The following PRKCE variants were observed in gnomAD, a reference collection of about 807,000 sequenced individuals.
PRKCE encodes the protein protein kinase C epsilon.
A neutral mutation model predicts 85.4 loss-of-function variants in PRKCE; 16 were observed. That is an observed-to-expected ratio of 0.19 (90% CI 0.13 to 0.28). The LOEUF is 0.28. Ranked by LOEUF, PRKCE falls within the 10% of genes least tolerant of loss-of-function variation. The pLI is 1.00. For missense variants in PRKCE, 573 were observed against 975.2 expected (o/e 0.59, Z 5.49); for synonymous variants, 388 against 371.5 (o/e 1.04, Z -0.51).
intron 1 of PRKCE, among the ~76,000 whole-genome samples, chr2:45,739,294 A>G (rs1255087606): frequency 6.6e-6 from 1 of 152,210 alleles, no homozygotes; most frequent in African/African-American, 2.4e-5. Flanking sequence ...GCCTTGGAAA[A>G]GCTAAGTGAC....
intron 1 of PRKCE, among the ~76,000 whole-genome samples, chr2:45,662,843 A>T (rs1675735533): frequency 6.7e-6 from 1 of 148,988 alleles, no homozygotes; most frequent in South Asian, 2.2e-4. Context: ...TCATTAAGCC[A>T]CTCAAAGAGT....
intron 2 of PRKCE, among the ~76,000 whole-genome samples, chr2:45,892,043 G>A (rs924151124): frequency 2.6e-5 from 4 of 152,248 alleles, no homozygotes; most frequent in Non-Finnish European, 4.4e-5. Context: ...GCTCTCCACA[G>A]TTGACACCTG....
rs181079842 is a variant in PRKCE at position 46,031,594 on chromosome 2, G to A, written c.1437+21077G>A. On this transcript the variant is annotated intron_variant, in intron 10 of 14. Transcript: ENST00000306156. Reference sequence around the variant, plus strand: ...TTCTACCCCTTTACATTCTGCTCGTGTGTGTGTGTGTGTGTGTGTGTGTGT... The same window carrying A: ...TTCTACCCCTTTACATTCTGCTCGTATGTGTGTGTGTGTGTGTGTGTGTGT... Among the ~76,000 whole-genome samples, 172 of 22,428 alleles carry A rather than the reference G, an allele frequency of 7.7e-3. 1 individual carries two copies. The highest frequency in any genetic ancestry group is 0.066 in the South Asian group (43 of 650). 14.7% of individuals were successfully genotyped at this position (22,428 alleles called of 152,430 possible).
intron 1 of PRKCE, among the ~76,000 whole-genome samples, chr2:45,744,438 TTTCTTTCTTTC>T (rs1682882517): frequency 4.3e-5 from 2 of 46,474 alleles, no homozygotes; most frequent in African/African-American, 2.2e-4. Flanking sequence ...TCTTTCTTTC[TTTCTTTCTTTC>T]TTTCTTTCTT....
intron 10 of PRKCE, among the ~76,000 whole-genome samples, chr2:46,080,526 G>A (rs1668973211): frequency 6.6e-6 from 1 of 152,194 alleles, no homozygotes; most frequent in Admixed American, 6.5e-5. Flanking sequence ...TCCATGGTGG[G>A]TGTTCAAGAA....
At chr2:46,072,334 G>A (rs749490348) in intron 10 of PRKCE, among the ~76,000 whole-genome samples, 10 of 152,242 alleles carry the variant, frequency 6.6e-5, no homozygotes, top group South Asian at 2.1e-4. Context: ...AGTTTCCCCC[G>A]GATTAGCACA....
intron 10 of PRKCE, among the ~76,000 whole-genome samples, chr2:46,021,800 G>A (rs779925813): frequency 1.1e-4 from 17 of 152,166 alleles, no homozygotes; most frequent in East Asian, 1.9e-4. Context: ...TCTCCCCAAC[G>A]CCCGCCATCT....
At chr2:46,163,629 C>T (rs1235101193) in intron 14 of PRKCE, among the ~76,000 whole-genome samples, 2 of 128,614 alleles carry the variant, frequency 1.6e-5, no homozygotes, top group Non-Finnish European at 3.2e-5. Flanking sequence ...TTCATCCCCA[C>T]AGAGGCCACT....
intron 10 of PRKCE, among the ~76,000 whole-genome samples, chr2:46,049,370 C>T (rs1241560701): frequency 6.6e-6 from 1 of 152,218 alleles, no homozygotes; most frequent in East Asian, 1.9e-4. Context: ...GCCCAGCTCT[C>T]TCTCATGCCC....
intron 1 of PRKCE, among the ~76,000 whole-genome samples, chr2:45,709,272 G>A (rs1267215989): frequency 6.6e-6 from 1 of 152,228 alleles, no homozygotes; most frequent in Non-Finnish European, 1.5e-5. Context: ...AGGCCAAGGT[G>A]GCAGCTGCTC....
At chr2:45,792,681 A>G (rs1196821992) in intron 1 of PRKCE, among the ~76,000 whole-genome samples, 2 of 152,158 alleles carry the variant, frequency 1.3e-5, no homozygotes, top group African/African-American at 4.8e-5. Context: ...GCCTTGAAAG[A>G]TGGGGTTAAG....
intron 10 of PRKCE, among the ~76,000 whole-genome samples, chr2:46,083,679 G>T (rs1426067557): frequency 6.6e-6 from 1 of 152,178 alleles, no homozygotes; most frequent in African/African-American, 2.4e-5. Flanking sequence ...GCATTGCCCG[G>T]AAACTTGTTA....
At chr2:45,783,726 G>A (rs1313762068) in intron 1 of PRKCE, among the ~76,000 whole-genome samples, 4 of 152,202 alleles carry the variant, frequency 2.6e-5, no homozygotes, top group Non-Finnish European at 4.4e-5. Flanking sequence ...CCTGTTCTCT[G>A]GTCACAGGAT....
intron 2 of PRKCE, among the ~76,000 whole-genome samples, chr2:45,853,918 A>G (rs1692472693): frequency 6.6e-6 from 1 of 152,112 alleles, no homozygotes; most frequent in Non-Finnish European, 1.5e-5. Context: ...CTCCCTGTTT[A>G]TTTAGCTACT....
chr2:46,163,944 A>G (rs1678058471), intron 14 of PRKCE, among the ~76,000 whole-genome samples: 1 of 151,866 alleles, frequency 6.6e-6, no homozygotes, highest in East Asian at 1.9e-4. Context: ...GGCGCACCCC[A>G]CAGAGGCCAC....
intron 10 of PRKCE, among the ~76,000 whole-genome samples, chr2:46,084,591 G>A (rs1343228470): frequency 1.3e-5 from 2 of 152,038 alleles, no homozygotes; most frequent in East Asian, 3.9e-4. Flanking sequence ...GCATGGTGGT[G>A]TGTGTCTGTA....
intron 1 of PRKCE, among the ~76,000 whole-genome samples, chr2:45,787,037 T>C (rs972930553): frequency 6.6e-6 from 1 of 152,212 alleles, no homozygotes; most frequent in African/African-American, 2.4e-5. Context: ...GGTTTGGGAA[T>C]CTGCACATTG....
At chr2:45,756,024 G>A (rs1471974024) in intron 1 of PRKCE, among the ~76,000 whole-genome samples, 2 of 152,180 alleles carry the variant, frequency 1.3e-5, no homozygotes, top group African/African-American at 2.4e-5. Context: ...CAGCTAATTC[G>A]CTGGGAACCA....
At position 45,734,701 on chromosome 2, in the gene PRKCE, GC is replaced by G. The variant is rs796489176; in HGVS notation, c.348+82254del. ...TGAGTGTAGGGGTGGATTTTTTGAT[GC>G]GCAGATCCCCCCTGCAGGCCTGAAG... On this transcript the variant is annotated intron_variant, in intron 1 of 14. Coordinates refer to ENST00000306156, the MANE Select transcript of PRKCE (RefSeq NM_005400.3). Among the ~76,000 whole-genome samples, 7 of 152,204 alleles carry G rather than the reference GC, an allele frequency of 4.6e-5. No homozygotes were observed. In the South Asian group the frequency reaches 1.5e-3, roughly 32 times the overall value.
Sources: allele counts gnomAD v4.1 joint callset (sites outside exome capture counted in the v4.1 genomes callset), GRCh38; gene constraint gnomAD v4.1.1; transcripts MANE v1.5; gene names NCBI Gene and HGNC (gene_info 2026-07-23, HGNC 2026-07-21).